The following TRMO variants were observed in gnomAD, a reference collection of about 807,000 sequenced individuals.
TRMO encodes the protein tRNA (adenine(37)-N6)-methyltransferase.
TRMO carries 30 observed loss-of-function variants against 37.2 expected under a neutral mutation model. The ratio of observed to expected loss-of-function variants is 0.81; its 90% CI spans 0.60 to 1.09. The LOEUF (loss-of-function observed/expected upper bound fraction) is 1.09, where lower values mean the gene tolerates loss of function less well. Among genes scored for constraint, TRMO ranks in the 50% least tolerant of loss-of-function variants. The pLI is 0.00. For missense variants in TRMO, 552 were observed against 549.5 expected, an observed-to-expected ratio of 1.00 and a Z score of -0.05; for synonymous variants, 239 against 199.4, an observed-to-expected ratio of 1.20 and a Z score of -1.67.
chr9:97,922,482 C>A lies in TRMO; in HGVS notation c.12G>T (p.Leu4Phe), dbSNP rs148772479. Residue 4 changes from leucine to phenylalanine, a missense_variant, in exon 1 of 5, where the codon TTG (leucine) becomes TTT (phenylalanine). Transcript: ENST00000375119. The stretch of plus-strand genomic sequence containing the variant: ...CTGTAGGCCGAGGCCCCGACTCCTC[C>A]AAGCCGCGCATGGCTACTGGTTGCT... Reference protein sequence around the residue: MRGLEESGPRPTAT... With the variant: MRGFEESGPRPTAT... 2.5e-6 allele frequency: 4 copies of A among 1,577,826 alleles called. No individual in the cohort carries two copies. Among genetic ancestry groups the A allele is most frequent in the South Asian group, 1.2e-5 (1 of 86,640 alleles).
In TRMO at chr9:97,910,167, T is replaced by G; in HGVS notation, c.859A>C (p.Lys287Gln). 6.2e-7 allele frequency: 1 copy of G among 1,614,212 alleles called. No individual in the cohort carries two copies. ...GCTCCTTCCACTCTTTCTAGCTTCTTGTCTGTACCTTTCTCTGAAAAGCTC... is the reference window on the plus strand; with the variant it reads ...GCTCCTTCCACTCTTTCTAGCTTCTGGTCTGTACCTTTCTCTGAAAAGCTC... ...EKSFSEKGTD[K>Q]KLERVEGAAV... The change falls in exon 4 of 5, where the codon AAG becomes CAG. Residue 287 changes from lysine to glutamine, a missense_variant. By Grantham distance (53) the Lys-to-Gln change is moderately conservative. Coordinates refer to ENST00000375119, the MANE Select transcript of TRMO (RefSeq NM_016481.5).
At chr9:97,901,463 C>T (rs3808893), downstream of TRMO, among the ~76,000 whole-genome samples, 110,274 of 152,082 alleles carry the variant, frequency 0.73, 41,349 homozygotes, top group East Asian at 0.92. Context: ...GACCCTAGAG[C>T]TGTAACACTA....
intron 4 of TRMO, among the ~76,000 whole-genome samples, chr9:97,908,184 G>C (rs536760194): frequency 1.3e-5 from 2 of 152,096 alleles, no homozygotes; most frequent in Non-Finnish European, 2.9e-5. Context: ...AGGCCAAGGC[G>C]GGGGAATCAC....
In TRMO at chr9:97,904,559, T is replaced by C. The variant is rs1285339438; in HGVS notation, c.*174A>G. 4 of 1,433,830 alleles carry C rather than the reference T, an allele frequency of 2.8e-6. No homozygotes were observed. The African/African-American group carries it at 4.3e-5, about 15-fold the overall frequency. The allele number at this position is 1,433,830 out of a possible 1,614,324, so 88.8% of individuals were successfully genotyped here. The stretch of plus-strand genomic sequence containing the variant: ...GATTTCTCTGTATTTTATATCTCTT[T>C]GTTAAGTTTATTAATGTATACGTTT... On this transcript the variant is annotated 3_prime_UTR_variant, in exon 5 of 5. Coordinates refer to ENST00000375119, the MANE Select transcript of TRMO (RefSeq NM_016481.5).
At position 97,910,049 on chromosome 9, in the gene TRMO, G is replaced by A; in HGVS notation, c.977C>T (p.Pro326Leu). 3 of 1,612,348 alleles carry A rather than the reference G, an allele frequency of 1.9e-6. No homozygotes were observed. The highest frequency in any genetic ancestry group is 2.2e-5 in the East Asian group (1 of 44,836). The change falls in exon 4 of 5, where the codon CCT becomes CTT. Residue 326 changes from proline to leucine, a missense_variant. Pro to Leu is a moderately conservative substitution (Grantham distance 98). Coordinates refer to ENST00000375119, the MANE Select transcript of TRMO (RefSeq NM_016481.5). The stretch of plus-strand genomic sequence containing the variant: ...CACAGGAGCCTCTGTCACCCAGGCA[G>A]GAACCACGCTGCGGGGAGCTCCATC... ...RADGAPRSVVPAWVTEAPVAT... is the reference protein window; with the variant it reads ...RADGAPRSVVLAWVTEAPVAT...
intron 4 of TRMO, among the ~76,000 whole-genome samples, chr9:97,907,381 T>A (rs537447840): frequency 6.6e-6 from 1 of 152,300 alleles, no homozygotes; most frequent in Admixed American, 6.5e-5. Context: ...GGCATGTATC[T>A]CCAGTCCCAA....
chr9:97,904,980 G>T lies in TRMO; in HGVS notation c.1079C>A (p.Ala360Glu), dbSNP rs756352211. 1.2e-6 allele frequency: 2 copies of T among 1,612,560 alleles called. No individual in the cohort carries two copies. Among genetic ancestry groups the T allele is most frequent in the East Asian group, 4.5e-5 (2 of 44,842 alleles). ...GQLSSQDVGQ[A>E]SFKYFQSAEE... ...TGCTGACTGAAAATATTTAAATGAC[G>T]CCTGACCAACATCTGCAATGAAAAA... The change falls in exon 5 of 5, where the codon GCG becomes GAG. Residue 360 changes from alanine (A) to glutamate (E), a missense_variant. Ala to Glu is a moderately radical substitution (Grantham distance 107). Transcript: ENST00000375119.
chr9:97,910,190 C>T lies in TRMO; in HGVS notation c.836G>A (p.Ser279Asn), dbSNP rs904593715. 1.5e-5 allele frequency: 24 copies of T among 1,614,106 alleles called. No homozygotes were observed. The highest frequency in any genetic ancestry group is 1.9e-5 in the Non-Finnish European group (22 of 1,180,044). The change falls in exon 4 of 5, where the codon AGC becomes AAC. Residue 279 changes from serine to asparagine, a missense_variant. Transcript: ENST00000375119. The stretch of plus-strand genomic sequence containing the variant: ...CTTGTCTGTACCTTTCTCTGAAAAG[C>T]TCTTCTCTGGGCAATATGGGCCAAT... The part of the protein sequence containing the change: ...EQIGPYCPEK[S>N]FSEKGTDKKL...
the TRMO span, among the ~76,000 whole-genome samples, chr9:97,899,079 C>T: frequency 6.6e-6 from 1 of 151,934 alleles, no homozygotes; most frequent in East Asian, 1.9e-4. Flanking sequence ...ACCTCGTGAT[C>T]CGCCCGCCTC....
intron 1 of TRMO, among the ~76,000 whole-genome samples, chr9:97,916,869 CTT>C (rs572431064): frequency 4.3e-5 from 6 of 138,234 alleles, no homozygotes; most frequent in Admixed American, 1.4e-4. Flanking sequence ...CCACGCTCAA[CTT>C]TTTTTTTTTT....
intron 2 of TRMO, among the ~76,000 whole-genome samples, chr9:97,914,366 G>A (rs1362123410): frequency 6.6e-6 from 1 of 152,068 alleles, no homozygotes; most frequent in African/African-American, 2.4e-5. Flanking sequence ...TTCCCCATCA[G>A]GCAAAAATGT....
the TRMO span, among the ~76,000 whole-genome samples, chr9:97,897,122 A>G: frequency 6.6e-6 from 1 of 152,216 alleles, no homozygotes; most frequent in Non-Finnish European, 1.5e-5. Flanking sequence ...CATACTTGCC[A>G]TTTATATCCT....
chr9:97,915,212 G>C (rs150638302), intron 2 of TRMO, among the ~76,000 whole-genome samples: 156 of 152,266 alleles, frequency 1.0e-3, no homozygotes, highest in African/African-American at 3.6e-3. Context: ...TATAACACAG[G>C]CCCTAATATA....
chr9:97,904,718 C>A lies in TRMO; in HGVS notation c.*15G>T, dbSNP rs747181272. Reference sequence around the variant, plus strand: ...AAGATCAATGATGCTACCTTAAAGACATGAGGGAGGCTCCTTAAGACCCTA... The same window carrying A: ...AAGATCAATGATGCTACCTTAAAGAAATGAGGGAGGCTCCTTAAGACCCTA... On this transcript the variant is annotated 3_prime_UTR_variant, in exon 5 of 5. Coordinates refer to ENST00000375119, the MANE Select transcript of TRMO (RefSeq NM_016481.5). 1 of 1,612,836 alleles carries A rather than the reference C, an allele frequency of 6.2e-7. No individual in the cohort carries two copies. The highest frequency in any genetic ancestry group is 1.7e-5 in the Admixed American group (1 of 59,928).
chr9:97,910,203 A>G lies in TRMO; in HGVS notation c.823T>C (p.Cys275Arg). ...SVAEEQIGPY[C>R]PEKSFSEKGT... ...TTCTCTGAAAAGCTCTTCTCTGGGC[A>G]ATATGGGCCAATTTGTTCTTCTGCC... The change falls in exon 4 of 5, where the codon TGC (cysteine) becomes CGC (arginine). Residue 275 changes from cysteine (C) to arginine (R), a missense_variant. Cys to Arg is a radical substitution (Grantham distance 180, BLOSUM62 -3). Transcript: ENST00000375119. The G allele has an allele frequency of 6.2e-7, 1 of 1,614,234 alleles. No homozygotes were observed.
intron 1 of TRMO, among the ~76,000 whole-genome samples, chr9:97,922,086 C>T (rs1826671097): frequency 6.6e-6 from 1 of 152,136 alleles, no homozygotes; most frequent in African/African-American, 2.4e-5. Flanking sequence ...TTTATTAATT[C>T]CTAACCCGCC....
chr9:97,905,686 G>A (rs1248725592), intron 4 of TRMO, among the ~76,000 whole-genome samples: 1 of 152,146 alleles, frequency 6.6e-6, no homozygotes, highest in African/African-American at 2.4e-5. Flanking sequence ...GCCCCTTCCA[G>A]GAAGGTACAG....
chr9:97,908,021 T>G (rs1825930234), intron 4 of TRMO, among the ~76,000 whole-genome samples: 1 of 152,156 alleles, frequency 6.6e-6, no homozygotes, highest in Non-Finnish European at 1.5e-5. Context: ...GGCTCACACC[T>G]GTAATCCCTG....
At chr9:97,920,657 C>G (rs1447689387) in intron 1 of TRMO, among the ~76,000 whole-genome samples, 1 of 152,174 alleles carries the variant, frequency 6.6e-6, no homozygotes, top group African/African-American at 2.4e-5. Context: ...AGCCAGCAAG[C>G]AATCAATGTG....
Sources: gnomAD v4.1 joint callset for allele counts (sites outside exome capture counted in the v4.1 genomes callset) on GRCh38, gnomAD v4.1.1 for gene constraint, MANE v1.5 for transcripts, NCBI Gene and HGNC (gene_info 2026-07-23, HGNC 2026-07-21) for gene names.